Variants in TOX2 observed in about 807,000 individuals in gnomAD.
TOX2 encodes granulosa cell HMG box 1.
In TOX2, 15 loss-of-function variants were observed where a neutral mutation model predicts 47.4. The ratio of observed to expected loss-of-function variants is 0.32; its 90% CI spans 0.21 to 0.49. The LOEUF is 0.49. TOX2 is among the 20% of genes least tolerant of loss of function. TOX2 has a pLI of 0.99. For synonymous variants in TOX2, 290 were observed against 296.6 expected, an observed-to-expected ratio of 0.98 and a Z score of 0.23; for missense variants, 622 against 673.1, an observed-to-expected ratio of 0.92 and a Z score of 0.84.
At chr20:44,068,068 T>C (rs1416069736) in intron 8 of TOX2, among the ~76,000 whole-genome samples, 4 of 151,998 alleles carry the variant, frequency 2.6e-5, no homozygotes, top group African/African-American at 9.7e-5. Context: ...TGAAGTGAGA[T>C]TCTACATGGG....
intron 2 of TOX2, among the ~76,000 whole-genome samples, chr20:43,996,081 G>A (rs918587846): frequency 1.3e-5 from 2 of 152,164 alleles, no homozygotes; most frequent in Admixed American, 6.5e-5. Context: ...TTCTTTGAGT[G>A]ATTGCTATAT....
At chr20:44,015,281 A>G (rs1192248132) in intron 3 of TOX2, among the ~76,000 whole-genome samples, 1 of 152,212 alleles carries the variant, frequency 6.6e-6, no homozygotes, top group East Asian at 1.9e-4. Flanking sequence ...ACATTTTATA[A>G]AACTCAGAAA....
chr20:43,948,708 G>C (rs1245320965), intron 1 of TOX2, among the ~76,000 whole-genome samples: 1 of 152,062 alleles, frequency 6.6e-6, no homozygotes, highest in Admixed American at 6.5e-5. Context: ...CAGGGGGCCT[G>C]GCAGATGTTC....
At position 43,946,105 on chromosome 20, in the gene TOX2, A is replaced by G. The variant is rs1029958091; in HGVS notation, c.100-27262A>G. On this transcript the variant is annotated intron_variant, in intron 1 of 8. Coordinates refer to ENST00000341197, the MANE Select transcript of TOX2 (RefSeq NM_001098797.2). ...CAGGCCGTCACTGTGGGCTGAAGAT[A>G]GGTGATGTCTGGATGGGGGCAGGCA... is the stretch of plus-strand genomic sequence containing the variant. The G allele has an allele frequency of 6.9e-6, 11 of 1,592,404 alleles. No individual in the cohort carries two copies. In the East Asian group the frequency reaches 9.1e-5, roughly 13 times the overall value.
At chr20:43,952,137 G>A (rs1452664854) in intron 1 of TOX2, among the ~76,000 whole-genome samples, 4 of 151,918 alleles carry the variant, frequency 2.6e-5, no homozygotes, top group East Asian at 1.9e-4. Context: ...TCCTGACCTC[G>A]TGATCTGCCC....
chr20:44,004,738 C>A (rs934742556), intron 2 of TOX2, among the ~76,000 whole-genome samples: 2 of 152,240 alleles, frequency 1.3e-5, no homozygotes, highest in African/African-American at 2.4e-5. Flanking sequence ...AATTGGCCAC[C>A]ACCAACCAGG....
At chr20:43,943,309 AC>A (rs1278058830) in intron 1 of TOX2, among the ~76,000 whole-genome samples, 1 of 152,036 alleles carries the variant, frequency 6.6e-6, no homozygotes, top group Admixed American at 6.5e-5. Flanking sequence ...TCCCTCTCCT[AC>A]AGATGGTGGG....
rs1410641022 is a variant in TOX2, at chr20:43,916,213, G to C, written c.99+1223G>C. ...TGGGCTCCGTGGCGATGCGGGGTGA[G>C]TGCGCGTCCAGTGGCTGGATCGGCG... On this transcript the variant is annotated intron_variant, in intron 1 of 8. Transcript: ENST00000341197. The surrounding 1 kb of genome is among the most constrained non-coding windows in gnomAD (Gnocchi z 5.0). 3.0e-6 allele frequency: 3 copies of C among 985,644 alleles called. No individual in the cohort carries two copies. Among genetic ancestry groups the C allele is most frequent in the Non-Finnish European group, 3.6e-6 (3 of 830,106 alleles). The allele number at this position is 985,644 out of a possible 1,614,324, so 61.1% of individuals were successfully genotyped here.
At chr20:43,990,974 C>T (rs1380521982) in intron 2 of TOX2, among the ~76,000 whole-genome samples, 1 of 152,170 alleles carries the variant, frequency 6.6e-6, no homozygotes, top group Non-Finnish European at 1.5e-5. Flanking sequence ...AACTAGAGAG[C>T]CTACTCATCA....
At chr20:44,014,715 T>C (rs115890478) in intron 3 of TOX2, among the ~76,000 whole-genome samples, 1,810 of 152,256 alleles carry the variant, frequency 0.012, 36 homozygotes, top group African/African-American at 0.041. Context: ...CATAGGCAAT[T>C]GGTAAATGTA....
At chr20:44,006,457 G>T (rs369094835) in intron 2 of TOX2, 90 bp from the exon 3 acceptor site, 34 of 1,521,700 alleles carry the variant, frequency 2.2e-5, no homozygotes, top group Non-Finnish European at 3.0e-5. Flanking sequence ...GGTTGCTATC[G>T]TTATTATTGT....
rs2070511279 is a variant in TOX2 at position 43,998,188 on chromosome 20, T to A, written c.166-8359T>A. ...CAAACAACCCGATCTTGTGAGAACT[T>A]ACTTACTGTCACGAGAACAGCAAGG... On this transcript the variant is annotated intron_variant, in intron 2 of 8. Coordinates refer to ENST00000341197, the MANE Select transcript of TOX2 (RefSeq NM_001098797.2). Among the ~76,000 whole-genome samples, 3 of 152,194 alleles carry A rather than the reference T, an allele frequency of 2.0e-5. No homozygotes were observed. The South Asian group carries it at 6.2e-4, about 32-fold the overall frequency.
At chr20:43,970,522 G>A (rs867208585) in intron 1 of TOX2, among the ~76,000 whole-genome samples, 1 of 151,196 alleles carries the variant, frequency 6.6e-6, no homozygotes. Flanking sequence ...ATACCATACT[G>A]TTCGATTACT....
intron 1 of TOX2, among the ~76,000 whole-genome samples, chr20:43,945,382 A>G (rs1396812898): frequency 1.3e-5 from 2 of 152,206 alleles, no homozygotes; most frequent in African/African-American, 2.4e-5. Flanking sequence ...AGTGTATTCA[A>G]CCAGACCCTG....
At chr20:44,046,050 G>C (rs1235228725) in intron 3 of TOX2, among the ~76,000 whole-genome samples, 1 of 152,180 alleles carries the variant, frequency 6.6e-6, no homozygotes, top group African/African-American at 2.4e-5. Context: ...TCAGATATTT[G>C]TATGATTAAT....
Position 44,015,788 on chromosome 20 carries a change from G to A in TOX2, c.411+8996G>A, listed in dbSNP as rs563675843. ...TTTAGGGCACTTTTACTTTTCTTTC[G>A]TAAACCCCCCATCCCATCCCTCATG... On this transcript the variant is annotated intron_variant, in intron 3 of 8. Coordinates refer to ENST00000341197, the MANE Select transcript of TOX2 (RefSeq NM_001098797.2). Among the ~76,000 whole-genome samples the A allele has an allele frequency of 2.4e-4, 37 of 151,816 alleles. No individual in the cohort carries two copies. In the South Asian group the frequency reaches 7.1e-3, roughly 29 times the overall value.
intron 1 of TOX2, among the ~76,000 whole-genome samples, chr20:43,968,314 G>A (rs2069897574): frequency 1.3e-5 from 2 of 152,164 alleles, no homozygotes; most frequent in Admixed American, 6.5e-5. Context: ...AGAAAACTGA[G>A]GCTTAAAGCA....
At position 43,987,659 on chromosome 20, in the gene TOX2, G is replaced by A. The variant is rs570325258; in HGVS notation, c.165+14227G>A. On this transcript the variant is annotated intron_variant, in intron 2 of 8. Transcript: ENST00000341197. ...ATCTTGTGTTAATCCGGTCACCAGG[G>A]TAGTAAATTCCCACTGAGAGCATGG... 3.3e-5 allele frequency among the ~76,000 whole-genome samples: 5 copies of A among 152,266 alleles called. No homozygotes were observed. The East Asian group carries it at 9.6e-4, about 29-fold the overall frequency.
In TOX2 at chr20:44,023,431, G is replaced by GAAAA. The variant is rs35627597; in HGVS notation, c.411+16655_411+16658dup. On this transcript the variant is annotated intron_variant, in intron 3 of 8. Transcript: ENST00000341197. ...GGTGACAGAGCTAGACTTTATCTCA[G>GAAAA]AAAAAAAAAAAAAAAAAAAGGAGGG... Among the ~76,000 whole-genome samples, 124 of 119,136 alleles carry GAAAA rather than the reference G, an allele frequency of 1.0e-3. 2 individuals are homozygous for GAAAA. Among genetic ancestry groups the GAAAA allele is most frequent in the African/African-American group, 3.4e-3 (101 of 29,474 alleles). The allele number at this position is 119,136 out of a possible 152,430, so 78.2% of individuals were successfully genotyped here. A position where few individuals can be genotyped will look rare whatever the true frequency, so the allele number is the denominator to read the frequency against.
Sources: allele counts gnomAD v4.1 joint callset (sites outside exome capture counted in the v4.1 genomes callset), GRCh38; gene constraint gnomAD v4.1.1; non-coding constraint Gnocchi (gnomAD v3.1); transcripts MANE v1.5; gene names NCBI Gene and HGNC (gene_info 2026-07-23, HGNC 2026-07-21).